The following NBPF20 variants were observed in gnomAD, a reference collection of about 807,000 sequenced individuals.
NBPF20 encodes NBPF member 20, also known as NBPF family member NBPF20.
Under a neutral mutation model 68.1 loss-of-function variants are expected in NBPF20, and 90 were observed. The ratio of observed to expected loss-of-function variants is 1.32; its 90% CI spans 1.11 to 1.58. The LOEUF is 1.58. Among genes scored for constraint, NBPF20 ranks in the 40% most tolerant of loss-of-function variants. The pLI is 0.00. For synonymous variants in NBPF20, 290 were observed against 228.1 expected (o/e 1.27, Z -2.45); for missense variants, 816 against 601.2 (o/e 1.36, Z -3.74).
intron 9 of NBPF20, among the ~76,000 whole-genome samples, 190 bp from the exon 15 acceptor site, chr1:145,393,436 C>A (rs1448896450): frequency 7.3e-6 from 1 of 137,786 alleles, no homozygotes; most frequent in African/African-American, 2.8e-5. Flanking sequence ...AAGAGAGAGA[C>A]ACACACTCAC....
At chr1:145,291,462 A>T in exon 138 of NBPF20, 5 of 1,611,946 alleles carry the variant, frequency 3.1e-6, no homozygotes, top group Non-Finnish European at 4.2e-6. Context: ...ACTTTCATTC[A>T]AATCTTCACG....
rs1204887467 is a variant in NBPF20, at chr1:145,403,068, T to C, written c.278+148A>G. On this transcript the variant is annotated intron_variant, in intron 3 of 137. Coordinates refer to ENST00000369373, the Ensembl canonical transcript of NBPF20. ...CATTTTTATTATCCTTCTTCTCTGT[T>C]TGATAAATATTTATGTGTAGCGAGC... The C allele has an allele frequency of 2.6e-4, 227 of 887,842 alleles. 1 individual carries two copies. The African/African-American group carries it at 3.3e-3, about 13-fold the overall frequency. 55.0% of individuals were successfully genotyped at this position (887,842 alleles called of 1,614,324 possible). A position where few individuals can be genotyped will look rare whatever the true frequency, so the allele number is the denominator to read the frequency against.
Position 145,292,239 on chromosome 1 carries a change from T to C in NBPF20, c.16697+142A>G, listed in dbSNP as rs587616399. On this transcript the variant is annotated intron_variant, in intron 137 of 137. Coordinates refer to ENST00000369373, the Ensembl canonical transcript of NBPF20. ...AAGAAATGGAAACCTAAACATCTAC[T>C]GCAATGAAAACCAACAGCAATGACA... The C allele has an allele frequency of 7.9e-5, 53 of 670,570 alleles. 2 individuals carry two copies. The highest frequency in any genetic ancestry group is 5.7e-4 in the African/African-American group (30 of 52,282). The allele number at this position is 670,570 out of a possible 1,614,324, so 41.5% of individuals were successfully genotyped here.
At chr1:145,397,547 CA>C (rs1662315438) in intron 7 of NBPF20, among the ~76,000 whole-genome samples, 1 of 152,174 alleles carries the variant, frequency 6.6e-6, no homozygotes, top group African/African-American at 2.4e-5. Flanking sequence ...GAGATTTTGT[CA>C]CCACCAGGCC....
chr1:145,340,706 G>A, intron 76 of NBPF20, 61 bp downstream of exon 81: 1 of 93,210 alleles, frequency 1.1e-5, no homozygotes, highest in South Asian at 4.9e-5. Flanking sequence ...CTTGCAGTAG[G>A]AATATGACCC....
chr1:145,411,393 T>G, the NBPF20 span, among the ~76,000 whole-genome samples: 1 of 136,782 alleles, frequency 7.3e-6, no homozygotes, highest in Admixed American at 7.2e-5. Context: ...TTTCCTTTTT[T>G]TTTTTTTTTT....
At position 145,402,054 on chromosome 1, in the gene NBPF20, T is replaced by TA. The variant is rs1448688453; in HGVS notation, c.493+112dup. On this transcript the variant is annotated intron_variant, in intron 4 of 137. Transcript: ENST00000369373. Reference sequence around the variant, plus strand: ...AAGTCCTGGTCATGTCATGGCCACATAAGCTTAGTGGAAAAAAACACCATT... The same window carrying TA: ...AAGTCCTGGTCATGTCATGGCCACATAAAGCTTAGTGGAAAAAAACACCATT... The TA allele has an allele frequency of 2.4e-4, 192 of 787,110 alleles. No homozygotes were observed. The Middle Eastern group carries it at 4.9e-3, about 20-fold the overall frequency. The allele number at this position is 787,110 out of a possible 1,614,324, so 48.8% of individuals were successfully genotyped here.
the NBPF20 span, among the ~76,000 whole-genome samples, chr1:145,421,993 A>G: frequency 5.1e-4 from 77 of 152,094 alleles, no homozygotes; most frequent in South Asian, 1.7e-3. Flanking sequence ...ACCCATGATC[A>G]TACCACTCCA....
rs1406384623 is a variant in NBPF20 at position 145,366,632 on chromosome 1, T to A, written c.5154-280A>T. On this transcript the variant is annotated intron_variant, in intron 43 of 137. Coordinates refer to ENST00000369373, the Ensembl canonical transcript of NBPF20. ...CAGAGAGAACGAGCTCAGTGAATTG[T>A]CCAGGTGACACACTGATGAGGGAGT... is the stretch of plus-strand genomic sequence containing the variant. 5.7e-5 allele frequency among the ~76,000 whole-genome samples: 4 copies of A among 69,982 alleles called. 1 individual carries two copies. The highest frequency in any genetic ancestry group is 2.8e-4 in the African/African-American group (4 of 14,370). The allele number at this position is 69,982 out of a possible 152,430, so 45.9% of individuals were successfully genotyped here. A position where few individuals can be genotyped will look rare whatever the true frequency, so the allele number is the denominator to read the frequency against.
exon 137 of NBPF20, chr1:145,292,395 G>T: frequency 2.9e-6 from 2 of 684,608 alleles, no homozygotes; most frequent in Non-Finnish European, 5.2e-6. Flanking sequence ...GGCATGGTGG[G>T]TTTTGATCTT....
At chr1:145,397,301 G>A (rs1336436109) in intron 7 of NBPF20, among the ~76,000 whole-genome samples, 3 of 152,052 alleles carry the variant, frequency 2.0e-5, no homozygotes, top group Non-Finnish European at 2.9e-5. Context: ...GGATGGCTGG[G>A]TCAAATGGTA....
intron 13 of NBPF20, among the ~76,000 whole-genome samples, chr1:145,390,345 G>GAC (rs1176495031): frequency 1.7e-5 from 1 of 59,344 alleles, no homozygotes; most frequent in Non-Finnish European, 2.8e-5. Context: ...CACACACACA[G>GAC]ACACACACAC....
At chr1:145,415,857 G>A in the NBPF20 span, among the ~76,000 whole-genome samples, 3 of 149,518 alleles carry the variant, frequency 2.0e-5, no homozygotes, top group East Asian at 4.0e-4. Flanking sequence ...TTCAGGTCAG[G>A]CCGTGGCTCG....
chr1:145,395,031 C>A (rs1662155405), exon 8 of NBPF20: 61 of 1,611,484 alleles, frequency 3.8e-5, no homozygotes, highest in Non-Finnish European at 5.0e-5. Context: ...GTGAAATGTG[C>A]TGCTGTAAGA....
At chr1:145,291,798 A>C in intron 137 of NBPF20, 29 bp from the exon 143 acceptor site, 2 of 1,612,002 alleles carry the variant, frequency 1.2e-6, no homozygotes, top group Non-Finnish European at 1.7e-6. Context: ...CTAAAGAAGC[A>C]GCCAGGGAAA....
upstream of NBPF20, among the ~76,000 whole-genome samples, chr1:145,410,378 G>A (rs1277051218): frequency 1.3e-5 from 2 of 149,814 alleles, no homozygotes; most frequent in African/African-American, 2.4e-5. Flanking sequence ...GCAGTGGCGG[G>A]ATCTCGGCTC....
chr1:145,306,258 G>T (rs1661404868), intron 119 of NBPF20, among the ~76,000 whole-genome samples, 193 bp from the exon 125 acceptor site: 1 of 143,902 alleles, frequency 6.9e-6, no homozygotes, highest in East Asian at 2.2e-4. Flanking sequence ...GAGAAAGACA[G>T]ATAGACACAC....
At chr1:145,311,014 G>C (rs1661462894) in intron 113 of NBPF20, among the ~76,000 whole-genome samples, 184 bp from the exon 119 acceptor site, 1 of 82,744 alleles carries the variant, frequency 1.2e-5, no homozygotes, top group Non-Finnish European at 2.2e-5. Flanking sequence ...GAATGAAAGA[G>C]AAAGACAGGG....
chr1:145,291,773 G>A lies in NBPF20; in HGVS notation c.16698-4C>T, dbSNP rs587723065. The A allele has an allele frequency of 5.0e-6, 8 of 1,611,704 alleles. No individual in the cohort carries two copies. The highest frequency in any genetic ancestry group is 2.2e-5 in the East Asian group (1 of 44,890). ...TTCCATCAGCACGCCGTTGAGCCTG[G>A]AAAAGGAGACAAAACTAAAGAAGCA... On this transcript the variant is annotated splice_polypyrimidine_tract_variant and splice_region_variant and intron_variant, in intron 137 of 137. Transcript: ENST00000369373.
Sources: allele counts gnomAD v4.1 joint callset (sites outside exome capture counted in the v4.1 genomes callset), GRCh38; gene constraint gnomAD v4.1.1; transcripts MANE v1.5; gene names NCBI Gene and HGNC (gene_info 2026-07-23, HGNC 2026-07-21).